The following OR9Q1 variants were observed in gnomAD, a reference collection of about 807,000 sequenced individuals.
OR9Q1 encodes olfactory receptor 9Q1.
For missense variants in OR9Q1, 374 were observed against 378.8 expected, an observed-to-expected ratio of 0.99 and a Z score of 0.11; for synonymous variants, 153 against 148.6, an observed-to-expected ratio of 1.03 and a Z score of -0.22.
At chr11:58,118,146 AC>A (rs1853977136) in intron 2 of OR9Q1, 1 of 172,936 alleles carries the variant, frequency 5.8e-6, no homozygotes, top group Non-Finnish European at 1.2e-5. Flanking sequence ...GGGAGCAAAA[AC>A]AAGAGGGAAA....
At chr11:58,090,974 G>T (rs1238233442) in intron 2 of OR9Q1, among the ~76,000 whole-genome samples, 5 of 151,906 alleles carry the variant, frequency 3.3e-5, no homozygotes, top group Non-Finnish European at 7.4e-5. Context: ...TATTTCTGTG[G>T]GATCGGTGGT....
chr11:58,090,030 C>T (rs904906838), intron 2 of OR9Q1, among the ~76,000 whole-genome samples: 1 of 152,106 alleles, frequency 6.6e-6, no homozygotes, highest in Non-Finnish European at 1.5e-5. Flanking sequence ...TACTTATCAG[C>T]TTAAGGAGAT....
At chr11:58,044,545 G>A (rs1374530985) in intron 1 of OR9Q1, 1 of 152,156 alleles carries the variant, frequency 6.6e-6, no homozygotes, top group Non-Finnish European at 1.5e-5. Context: ...AAGCCTCATC[G>A]TTTTCACTTA....
chr11:58,118,848 G>T (rs1460436111), intron 2 of OR9Q1: 2 of 1,614,000 alleles, frequency 1.2e-6, no homozygotes, highest in Non-Finnish European at 1.7e-6. Flanking sequence ...CAAAGAAGAT[G>T]ATGACAATCT....
intron 2 of OR9Q1, among the ~76,000 whole-genome samples, chr11:58,115,729 A>G (rs1457257061): frequency 6.6e-6 from 1 of 152,188 alleles, no homozygotes; most frequent in Non-Finnish European, 1.5e-5. Flanking sequence ...GGGGGTCTGC[A>G]TATCTGTTTG....
chr11:58,151,770 C>T (rs1451824530), intron 2 of OR9Q1, among the ~76,000 whole-genome samples: 2 of 147,362 alleles, frequency 1.4e-5, no homozygotes, highest in Non-Finnish European at 3.0e-5. Context: ...TTTCGGCCCC[C>T]AGACCATTTT....
rs1190428156 is a variant in OR9Q1 at position 58,058,599 on chromosome 11, C to T, written c.-15+2652C>T. On this transcript the variant is annotated intron_variant, in intron 2 of 2. Transcript: ENST00000335397. ...CACATCCTCCCATTCACATTGTTCT[C>T]CTGAAGGGCCCCCGCCAGGAGTCTG... Among the ~76,000 whole-genome samples the T allele has an allele frequency of 4.6e-5, 7 of 152,158 alleles. No homozygotes were observed. In the East Asian group the frequency reaches 1.3e-3, roughly 29 times the overall value.
chr11:58,031,286 G>T (rs1396194354), intron 1 of OR9Q1: 4 of 1,613,982 alleles, frequency 2.5e-6, no homozygotes, highest in Non-Finnish European at 3.4e-6. Context: ...CACCTTTCTT[G>T]GGGCAACTGA....
At chr11:58,145,845 A>G (rs1432124993) in intron 2 of OR9Q1, among the ~76,000 whole-genome samples, 3 of 152,124 alleles carry the variant, frequency 2.0e-5, no homozygotes, top group Non-Finnish European at 4.4e-5. Context: ...CATTGTTTAT[A>G]TAGTAAGGGG....
At chr11:58,044,803 G>A (rs1853200482) in intron 1 of OR9Q1, 1 of 152,166 alleles carries the variant, frequency 6.6e-6, no homozygotes, top group Non-Finnish European at 1.5e-5. Flanking sequence ...TTCTGGTTCT[G>A]CCCTTTATGG....
At chr11:58,035,999 T>C (rs1295282928) in intron 1 of OR9Q1, among the ~76,000 whole-genome samples, 2 of 152,054 alleles carry the variant, frequency 1.3e-5, no homozygotes, top group Admixed American at 6.5e-5. Context: ...GTTAAGTCTA[T>C]TAGTGCCATT....
At chr11:58,175,941 C>G (rs748105516) in intron 2 of OR9Q1, among the ~76,000 whole-genome samples, 10 of 151,932 alleles carry the variant, frequency 6.6e-5, no homozygotes, top group Non-Finnish European at 1.2e-4. Context: ...ATAAGACAAA[C>G]TTGCCAATTT....
chr11:58,062,052 G>T (rs1461721465), intron 2 of OR9Q1, among the ~76,000 whole-genome samples: 2 of 152,174 alleles, frequency 1.3e-5, no homozygotes. Context: ...AGGTAGGAAT[G>T]GTGCAGGCTT....
At chr11:58,132,908 C>A (rs1185231874) in intron 2 of OR9Q1, among the ~76,000 whole-genome samples, 2 of 152,132 alleles carry the variant, frequency 1.3e-5, no homozygotes, top group East Asian at 3.9e-4. Flanking sequence ...AATTGCCTTC[C>A]TGGAGTGAAG....
chr11:58,127,636 G>A (rs1854102257), intron 2 of OR9Q1, among the ~76,000 whole-genome samples: 1 of 152,194 alleles, frequency 6.6e-6, no homozygotes, highest in Non-Finnish European at 1.5e-5. Context: ...CTCCAGAGAA[G>A]GAGAGCTGTG....
At chr11:58,149,469 G>A (rs1854329402) in intron 2 of OR9Q1, among the ~76,000 whole-genome samples, 1 of 152,086 alleles carries the variant, frequency 6.6e-6, no homozygotes, top group African/African-American at 2.4e-5. Context: ...AACTTAAGTG[G>A]TTAAAAAAAT....
At chr11:58,112,480 C>G (rs951988082) in intron 2 of OR9Q1, among the ~76,000 whole-genome samples, 15 of 152,114 alleles carry the variant, frequency 9.9e-5, no homozygotes, top group African/African-American at 3.6e-4. Flanking sequence ...ACCACAGTAC[C>G]TTTTTTTCCT....
At position 58,140,513 on chromosome 11, in the gene OR9Q1, A is replaced by C. The variant is rs535203243; in HGVS notation, c.-14-38918A>C. Among the ~76,000 whole-genome samples, 79 of 152,286 alleles carry C rather than the reference A, an allele frequency of 5.2e-4. No homozygotes were observed. In the Middle Eastern group the frequency reaches 0.01, roughly 20 times the overall value. ...TTCAGCTTTCTACATATGGCTAGCC[A>C]GTTTTCCCAGCACCATTTATTAAAT... is the stretch of plus-strand genomic sequence containing the variant. On this transcript the variant is annotated intron_variant, in intron 2 of 2. Transcript: ENST00000335397.
At chr11:58,094,567 A>T (rs943974617) in intron 2 of OR9Q1, among the ~76,000 whole-genome samples, 1 of 152,188 alleles carries the variant, frequency 6.6e-6, no homozygotes, top group African/African-American at 2.4e-5. Flanking sequence ...CAACCACTTT[A>T]CTTTGAATTG....
Sources: allele counts gnomAD v4.1 joint callset (sites outside exome capture counted in the v4.1 genomes callset), GRCh38; gene constraint gnomAD v4.1.1; transcripts MANE v1.5; gene names NCBI Gene and HGNC (gene_info 2026-07-23, HGNC 2026-07-21).